Variants in SEL1L3 observed in about 807,000 individuals in gnomAD.
SEL1L3 encodes the protein SEL1L family member 3, also known as protein sel-1 homolog 3.
SEL1L3 carries 76 observed loss-of-function variants against 142.8 expected under a neutral mutation model. The ratio of observed to expected loss-of-function variants is 0.53; its 90% CI spans 0.44 to 0.64. The LOEUF (loss-of-function observed/expected upper bound fraction) is 0.64, where lower values mean the gene tolerates loss of function less well. Ranked by LOEUF, SEL1L3 falls within the 30% of genes least tolerant of loss-of-function variation. The pLI is 0.00. For missense variants in SEL1L3, 1,262 were observed against 1,381.7 expected (o/e 0.91, Z 1.37); for synonymous variants, 504 against 519.6 (o/e 0.97, Z 0.41).
chr4:25,778,386 G>C (rs2109162505), intron 16 of SEL1L3, among the ~76,000 whole-genome samples: 1 of 152,166 alleles, frequency 6.6e-6, no homozygotes, highest in East Asian at 1.9e-4. Flanking sequence ...GGCACCTGGA[G>C]GAGAATTTGG....
chr4:25,760,410 G>A (rs1718296217), intron 20 of SEL1L3, among the ~76,000 whole-genome samples: 1 of 152,114 alleles, frequency 6.6e-6, no homozygotes, highest in Admixed American at 6.6e-5. Flanking sequence ...ATAACAGAAC[G>A]ATTTATATTC....
intron 23 of SEL1L3, among the ~76,000 whole-genome samples, chr4:25,749,108 G>A (rs1717425521): frequency 6.6e-6 from 1 of 152,172 alleles, no homozygotes; most frequent in South Asian, 2.1e-4. Context: ...TCATTTATCT[G>A]CTGCTAACAA....
chr4:25,789,682 C>T (rs1305449946), intron 12 of SEL1L3, among the ~76,000 whole-genome samples: 5 of 151,868 alleles, frequency 3.3e-5, no homozygotes, highest in African/African-American at 1.2e-4. Flanking sequence ...GGGCTTCAGC[C>T]TCCTTAGCAG....
chr4:25,800,197 G>A (rs1347908822), intron 11 of SEL1L3, among the ~76,000 whole-genome samples: 1 of 152,144 alleles, frequency 6.6e-6, no homozygotes, highest in Non-Finnish European at 1.5e-5. Flanking sequence ...TTAGAGGTCT[G>A]GCTTTCTCTG....
At chr4:25,808,764 T>C (rs1357486267) in intron 9 of SEL1L3, among the ~76,000 whole-genome samples, 2 of 83,436 alleles carry the variant, frequency 2.4e-5, no homozygotes, top group Non-Finnish European at 5.1e-5. Context: ...GCTTTCTTTT[T>C]CTTTTTCAAA....
chr4:25,719,366 A>C, the SEL1L3 span: 1 of 152,104 alleles, frequency 6.6e-6, no homozygotes, highest in Non-Finnish European at 1.5e-5. Flanking sequence ...TAGGGTAGGA[A>C]CTAGCGTGGC....
chr4:25,793,689 C>T (rs371915465), intron 11 of SEL1L3, among the ~76,000 whole-genome samples: 143 of 152,262 alleles, frequency 9.4e-4, no homozygotes, highest in African/African-American at 3.3e-3. Context: ...GGGCTCGTTA[C>T]TTTATCTGAG....
At chr4:25,752,314 G>A (rs1717653092) in intron 23 of SEL1L3, among the ~76,000 whole-genome samples, 1 of 151,106 alleles carries the variant, frequency 6.6e-6, no homozygotes, top group Admixed American at 6.6e-5. Context: ...CTACTCAGGA[G>A]GCTGAGGCAG....
chr4:25,762,067 GC>G (rs1158381883), intron 20 of SEL1L3, among the ~76,000 whole-genome samples: 1 of 152,116 alleles, frequency 6.6e-6, no homozygotes, highest in African/African-American at 2.4e-5. Context: ...TCTTGCTTCA[GC>G]CTCCCAAGTA....
At position 25,799,554 on chromosome 4, in the gene SEL1L3, G is replaced by A. The variant is rs138874880; in HGVS notation, c.1956+2729C>T. ...CAAGACACAATTCAGCCCATCAGCT[G>A]TTGTAGGAGCTCAGAGGGGAGACGA... On this transcript the variant is annotated intron_variant, in intron 11 of 23. Transcript: ENST00000399878. Among the ~76,000 whole-genome samples the A allele has an allele frequency of 2.1e-3, 323 of 152,322 alleles. 1 individual carries two copies. Among genetic ancestry groups the A allele is most frequent in the African/African-American group, 7.7e-3 (319 of 41,568 alleles).
At chr4:25,837,279 G>T (rs78359726) in intron 2 of SEL1L3, among the ~76,000 whole-genome samples, 190 of 147,700 alleles carry the variant, frequency 1.3e-3, no homozygotes, top group African/African-American at 4.3e-3. Context: ...AGATGGCCAC[G>T]TTAGACCCCT....
intron 9 of SEL1L3, among the ~76,000 whole-genome samples, chr4:25,806,388 T>A (rs1713580541): frequency 6.6e-6 from 1 of 152,036 alleles, no homozygotes; most frequent in African/African-American, 2.4e-5. Flanking sequence ...CTCACTCTTA[T>A]CAGCCCTTCA....
At chr4:25,731,900 C>T in the SEL1L3 span, among the ~76,000 whole-genome samples, 1,306 of 152,186 alleles carry the variant, frequency 8.6e-3, 26 homozygotes, top group African/African-American at 0.029. Context: ...TGACGAAAAC[C>T]CATCTCTACT....
intron 19 of SEL1L3, among the ~76,000 whole-genome samples, chr4:25,766,311 G>A (rs1258306222): frequency 6.6e-6 from 1 of 151,798 alleles, no homozygotes; most frequent in African/African-American, 2.4e-5. Flanking sequence ...ATGGTGGTGC[G>A]TTCCTGTAAT....
intron 16 of SEL1L3, chr4:25,778,012 G>C (rs2109161607): frequency 2.9e-6 from 1 of 344,540 alleles, no homozygotes; most frequent in South Asian, 2.3e-5. Flanking sequence ...TTAGCTCTTG[G>C]AGCCATACAA....
At chr4:25,861,630 CT>C (rs143198162) in intron 1 of SEL1L3, among the ~76,000 whole-genome samples, 8,591 of 135,356 alleles carry the variant, frequency 0.063, 702 homozygotes, top group African/African-American at 0.21. Context: ...TGACACTGCT[CT>C]TTTTTTTTTT....
chr4:25,835,949 T>G (rs1174767070), intron 2 of SEL1L3, among the ~76,000 whole-genome samples: 1 of 152,228 alleles, frequency 6.6e-6, no homozygotes, highest in Non-Finnish European at 1.5e-5. Context: ...TATCCTCATT[T>G]AACAGATCGA....
At chr4:25,802,542 C>A in intron 10 of SEL1L3, 80 bp from the exon 11 acceptor site, 2 of 1,185,538 alleles carry the variant, frequency 1.7e-6, no homozygotes, top group Middle Eastern at 2.0e-4. Context: ...GTTGTCAGGC[C>A]CAATTCCTAT....
chr4:25,833,367 T>C, intron 4 of SEL1L3, 81 bp downstream of exon 4: 2 of 1,347,414 alleles, frequency 1.5e-6, no homozygotes, highest in Non-Finnish European at 2.0e-6. Flanking sequence ...GGATCTTCCT[T>C]ATTCTAGACA....
Sources: gnomAD v4.1 joint callset for allele counts (sites outside exome capture counted in the v4.1 genomes callset) on GRCh38, gnomAD v4.1.1 for gene constraint, MANE v1.5 for transcripts, NCBI Gene and HGNC (gene_info 2026-07-23, HGNC 2026-07-21) for gene names.